The following NOL10 variants were observed in gnomAD, a reference collection of about 807,000 sequenced individuals.
The protein encoded by NOL10 is H_NH0074G24.1.
In NOL10, 58 loss-of-function variants were observed where a neutral mutation model predicts 103.5. That is an observed-to-expected ratio of 0.56 (90% CI 0.45 to 0.70). The LOEUF is 0.70. Ranked by LOEUF, NOL10 falls within the 30% of genes least tolerant of loss-of-function variation. NOL10 has a pLI of 0.00. For synonymous variants in NOL10, 287 were observed against 282.5 expected (o/e 1.02, Z -0.16); for missense variants, 763 against 807.3 (o/e 0.95, Z 0.67).
intron 13 of NOL10, among the ~76,000 whole-genome samples, chr2:10,635,847 T>C (rs746530789): frequency 6.6e-6 from 1 of 152,184 alleles, no homozygotes; most frequent in Non-Finnish European, 1.5e-5. Context: ...AATAAAAATA[T>C]TAAGAGACAA....
intron 13 of NOL10, among the ~76,000 whole-genome samples, chr2:10,640,402 G>A (rs1678620497): frequency 6.6e-6 from 1 of 152,156 alleles, no homozygotes; most frequent in Middle Eastern, 3.2e-3. Flanking sequence ...GGTCAGAAAG[G>A]AACACTGAAG....
chr2:10,578,828 T>C (rs761909202), intron 19 of NOL10, among the ~76,000 whole-genome samples: 6 of 152,082 alleles, frequency 3.9e-5, no homozygotes, highest in Admixed American at 2.6e-4. Context: ...CCTGATAAGA[T>C]TGAGAGAGAT....
intron 13 of NOL10, chr2:10,622,218 A>C: frequency 2.1e-6 from 1 of 469,480 alleles, no homozygotes; most frequent in South Asian, 1.6e-5. Context: ...ATATCTACAC[A>C]ACAAAACACT....
At chr2:10,613,497 G>T (rs1351467549) in intron 13 of NOL10, among the ~76,000 whole-genome samples, 1 of 152,182 alleles carries the variant, frequency 6.6e-6, no homozygotes, top group Non-Finnish European at 1.5e-5. Context: ...CTTGAGCAAG[G>T]CCCTGAACAA....
At chr2:10,611,085 G>A (rs1381661280) in intron 13 of NOL10, among the ~76,000 whole-genome samples, 1 of 152,084 alleles carries the variant, frequency 6.6e-6, no homozygotes, top group African/African-American at 2.4e-5. Flanking sequence ...GTGGTACTGC[G>A]CCCAGCAAAT....
chr2:10,595,116 C>T (rs185064338), intron 17 of NOL10, among the ~76,000 whole-genome samples: 1 of 107,084 alleles, frequency 9.3e-6, no homozygotes, highest in African/African-American at 3.7e-5. Context: ...GGTAGGACTA[C>T]AGGCAAGAGG....
chr2:10,652,883 A>T (rs1432816978), intron 12 of NOL10, among the ~76,000 whole-genome samples: 1 of 152,098 alleles, frequency 6.6e-6, no homozygotes, highest in Non-Finnish European at 1.5e-5. Flanking sequence ...CTAAGAATCC[A>T]CCGGGAAGTG....
In NOL10 at chr2:10,662,995, AACAGGCCAACTCTG is replaced by A. The variant is rs1680303332; in HGVS notation, c.627_640del (p.Val211LeufsTer24). The A allele has an allele frequency of 6.2e-7, 1 of 1,613,864 alleles. No individual in the cohort carries two copies. ...TGTGACACTGTTTAAGGCGCAGTCTAACAGGCCAACTCTGTTTCGAGTTCTTGGGTCCCAGCACT... is the reference window on the plus strand; with the variant it reads ...TGTGACACTGTTTAAGGCGCAGTCTATTTCGAGTTCTTGGGTCCCAGCACT... On this transcript the variant is annotated frameshift_variant, in exon 9 of 21. Coordinates refer to ENST00000381685, the MANE Select transcript of NOL10 (RefSeq NM_024894.4). LOFTEE classifies it high-confidence loss of function.
chr2:10,657,649 C>T (rs1374359226), intron 11 of NOL10, 93 bp downstream of exon 11: 1 of 1,114,076 alleles, frequency 9.0e-7, no homozygotes. Flanking sequence ...ATCTCTTTCC[C>T]AATAACCCAC....
intron 19 of NOL10, among the ~76,000 whole-genome samples, chr2:10,586,894 T>C (rs1306343491): frequency 6.6e-6 from 1 of 150,836 alleles, no homozygotes; most frequent in Non-Finnish European, 1.5e-5. Flanking sequence ...TGGTTACCAG[T>C]AGGCTATTAG....
chr2:10,667,267 A>C lies in NOL10; in HGVS notation c.542T>G (p.Val181Gly). ...PLQTDAAENN[V>G]CDINSVHGLF... is the part of the protein sequence containing the mutation. ...GCCATGCACTGAATTTATGTCACAAACATTATTCTCCCTAACACAGGAAAG... is the reference window on the plus strand; with the variant it reads ...GCCATGCACTGAATTTATGTCACAACCATTATTCTCCCTAACACAGGAAAG... The change falls in exon 8 of 21, where the codon GTT (valine) becomes GGT (glycine). Residue 181 changes from valine (V) to glycine (G), a missense_variant. Transcript: ENST00000381685. The C allele has an allele frequency of 6.3e-7, 1 of 1,586,280 alleles. No homozygotes were observed. Among genetic ancestry groups the C allele is most frequent in the Non-Finnish European group, 8.6e-7 (1 of 1,164,792 alleles).
intron 10 of NOL10, among the ~76,000 whole-genome samples, chr2:10,658,364 C>T (rs1050227334): frequency 2.0e-5 from 3 of 152,054 alleles, no homozygotes; most frequent in Non-Finnish European, 4.4e-5. Context: ...GGAAAGCTCC[C>T]CTAGGATTAA....
At chr2:10,616,451 C>T (rs1007967990) in intron 13 of NOL10, among the ~76,000 whole-genome samples, 5 of 152,046 alleles carry the variant, frequency 3.3e-5, no homozygotes, top group Non-Finnish European at 2.9e-5. Context: ...AATTCCTGGC[C>T]TCAGGTGATC....
chr2:10,652,708 T>A (rs112708737), intron 12 of NOL10, among the ~76,000 whole-genome samples: 2,247 of 152,224 alleles, frequency 0.015, 16 homozygotes, highest in Middle Eastern at 0.024. Context: ...ACTTCTTATC[T>A]CACTCCCAGC....
chr2:10,656,995 GAGA>G (rs1447232232), intron 11 of NOL10, among the ~76,000 whole-genome samples: 4 of 152,170 alleles, frequency 2.6e-5, no homozygotes, highest in South Asian at 4.1e-4. Flanking sequence ...TAGAGCTGAG[GAGA>G]AGGACCATCA....
chr2:10,655,236 A>G (rs1016477004), intron 11 of NOL10, among the ~76,000 whole-genome samples: 1 of 151,528 alleles, frequency 6.6e-6, no homozygotes, highest in African/African-American at 2.4e-5. Flanking sequence ...GGAAGAAAAG[A>G]AAGGAAGGAA....
intron 13 of NOL10, among the ~76,000 whole-genome samples, chr2:10,641,108 G>A (rs1399849753): frequency 6.6e-6 from 1 of 150,684 alleles, no homozygotes; most frequent in Non-Finnish European, 1.5e-5. Context: ...ATCACATGAG[G>A]TCAGGAGTTT....
In NOL10 at chr2:10,591,964, T is replaced by A. The variant is rs550209501; in HGVS notation, c.1423-2213A>T. On this transcript the variant is annotated intron_variant, in intron 17 of 20. Coordinates refer to ENST00000381685, the MANE Select transcript of NOL10 (RefSeq NM_024894.4). Reference sequence around the variant, plus strand: ...GCTGCAGTGAGTTGAGATCACACCATGTACTCCAGCCTGCGTAACAGAGAG... The same window carrying A: ...GCTGCAGTGAGTTGAGATCACACCAAGTACTCCAGCCTGCGTAACAGAGAG... 8.6e-5 allele frequency among the ~76,000 whole-genome samples: 13 copies of A among 152,006 alleles called. No homozygotes were observed. The East Asian group carries it at 2.1e-3, about 25-fold the overall frequency.
intron 17 of NOL10, among the ~76,000 whole-genome samples, chr2:10,593,836 G>A (rs1408969029): frequency 6.6e-6 from 1 of 152,080 alleles, no homozygotes; most frequent in African/African-American, 2.4e-5. Context: ...GTGACCTACA[G>A]TGGTCAGTTC....
Sources: gnomAD v4.1 joint callset for allele counts (sites outside exome capture counted in the v4.1 genomes callset) on GRCh38, gnomAD v4.1.1 for gene constraint, MANE v1.5 for transcripts, NCBI Gene and HGNC (gene_info 2026-07-23, HGNC 2026-07-21) for gene names.